TEX15: variants seen among roughly 807,000 people sequenced by gnomAD.
TEX15 encodes testis-expressed protein 15.
TEX15 carries 171 observed loss-of-function variants against 237.3 expected under a neutral mutation model. The ratio of observed to expected loss-of-function variants is 0.72; its 90% confidence interval spans 0.64 to 0.82. TEX15 has a LOEUF of 0.82. TEX15 is among the 40% of genes least tolerant of loss of function. TEX15 has a pLI of 0.00. For missense variants in TEX15, 3,750 were observed against 3,646.5 expected (o/e 1.03, Z -0.73); for synonymous variants, 1,338 against 1,269.8 (o/e 1.05, Z -1.14).
At chr8:30,834,195 C>A (rs779935743) in intron 10 of TEX15, among the ~76,000 whole-genome samples, 1 of 152,196 alleles carries the variant, frequency 6.6e-6, no homozygotes, top group Non-Finnish European at 1.5e-5. Context: ...TTTTTTGAGA[C>A]AGAGTTTAAC....
intron 1 of TEX15, among the ~76,000 whole-genome samples, chr8:30,903,522 TA>T (rs1176664895): frequency 2.0e-5 from 3 of 152,360 alleles, no homozygotes; most frequent in Admixed American, 2.0e-4. Flanking sequence ...CCTTCAGTCC[TA>T]GTCCTTCCTT....
At chr8:30,905,616 C>T (rs1450469295) in intron 1 of TEX15, among the ~76,000 whole-genome samples, 2 of 151,542 alleles carry the variant, frequency 1.3e-5, no homozygotes, top group African/African-American at 4.9e-5. Context: ...ACCACCTGGT[C>T]TGTGGCTCAC....
chr8:30,867,471 T>C lies in TEX15; in HGVS notation c.334A>G (p.Arg112Gly). ...AAGCAGAACTGTTCTTCAAGTTCCC[T>C]GCAATGTCTTCCACTTTCACGCATC... ...SEMRESGRHC[R>G]ELEEQFCFLA... Residue 112 changes from arginine (R) to glycine (G), a missense_variant, in exon 5 of 11, where the codon AGG (arginine) becomes GGG (glycine). Transcript: ENST00000643185. 3.3e-6 allele frequency: 5 copies of C among 1,534,180 alleles called. No homozygotes were observed. The highest frequency in any genetic ancestry group is 4.4e-6 in the Non-Finnish European group (5 of 1,145,510).
At chr8:30,876,166 T>G (rs1759056150) in intron 3 of TEX15, among the ~76,000 whole-genome samples, 1 of 152,200 alleles carries the variant, frequency 6.6e-6, no homozygotes, top group South Asian at 2.1e-4. Context: ...TAGATTCTTC[T>G]GCCAACATCT....
intron 2 of TEX15, among the ~76,000 whole-genome samples, chr8:30,888,878 A>C (rs906520709): frequency 2.0e-5 from 3 of 152,186 alleles, no homozygotes; most frequent in Non-Finnish European, 4.4e-5. Flanking sequence ...AAAAGAGAAG[A>C]AAGCCAGCCC....
intron 3 of TEX15, among the ~76,000 whole-genome samples, chr8:30,881,293 T>C (rs1050897185): frequency 6.6e-5 from 10 of 152,198 alleles, no homozygotes; most frequent in South Asian, 4.1e-4. Context: ...CTGGAAGAGA[T>C]TGTATAGTTT....
chr8:30,852,924 A>G (rs1216801944), intron 7 of TEX15, among the ~76,000 whole-genome samples: 2 of 152,318 alleles, frequency 1.3e-5, no homozygotes, highest in Admixed American at 6.5e-5. Context: ...AATTGAATTT[A>G]TAATTTTATT....
intron 8 of TEX15, among the ~76,000 whole-genome samples, chr8:30,841,578 C>T (rs936055561): frequency 6.6e-6 from 1 of 152,122 alleles, no homozygotes; most frequent in African/African-American, 2.4e-5. Context: ...CCTATTTCTC[C>T]ATTGGGATGA....
At chr8:30,892,486 A>G (rs759821886) in intron 2 of TEX15, among the ~76,000 whole-genome samples, 22 of 152,330 alleles carry the variant, frequency 1.4e-4, no homozygotes, top group Middle Eastern at 3.4e-3. Flanking sequence ...CCTATCTAAC[A>G]ATAAATCTTG....
intron 4 of TEX15, among the ~76,000 whole-genome samples, chr8:30,868,087 A>T (rs1467471223): frequency 6.6e-6 from 1 of 152,054 alleles, no homozygotes; most frequent in Non-Finnish European, 1.5e-5. Context: ...AAATATATCA[A>T]TTATTAGGGA....
chr8:30,909,059 T>C (rs905694812), intron 1 of TEX15, among the ~76,000 whole-genome samples: 10 of 151,348 alleles, frequency 6.6e-5, no homozygotes, highest in African/African-American at 2.4e-4. Context: ...AATGAAGTTT[T>C]ATCTTTATTG....
Position 30,849,065 on chromosome 8 carries a change from T to C in TEX15, c.1102A>G (p.Ile368Val). ...SGQTEHSLAE[I>V]RDTSQVLAHD... Reference sequence around the variant, plus strand: ...GCAAGTACTTGAGAAGTGTCTCTAATTTCTGCTAAACTGTGCTCTGTCTGT... The same window carrying C: ...GCAAGTACTTGAGAAGTGTCTCTAACTTCTGCTAAACTGTGCTCTGTCTGT... Residue 368 changes from isoleucine (I) to valine (V), a missense_variant, in exon 8 of 11, where the codon ATT becomes GTT. Physicochemically the swap from Ile to Val is conservative, Grantham distance 29. Transcript: ENST00000643185. The C allele has an allele frequency of 1.2e-6, 2 of 1,613,988 alleles. No homozygotes were observed. The highest frequency in any genetic ancestry group is 1.7e-4 in the Middle Eastern group (1 of 6,060).
chr8:30,906,522 G>A (rs547606749), intron 1 of TEX15, among the ~76,000 whole-genome samples: 3 of 151,486 alleles, frequency 2.0e-5, no homozygotes, highest in South Asian at 2.1e-4. Context: ...CCCGGGAGGC[G>A]GAGCTTGTGG....
intron 2 of TEX15, among the ~76,000 whole-genome samples, chr8:30,889,557 T>A (rs1808738450): frequency 6.6e-6 from 1 of 152,210 alleles, no homozygotes; most frequent in Non-Finnish European, 1.5e-5. Context: ...TCACTTCTGT[T>A]CCTCAGTGCT....
At chr8:30,868,318 T>A (rs1355116315) in intron 4 of TEX15, among the ~76,000 whole-genome samples, 2 of 152,042 alleles carry the variant, frequency 1.3e-5, no homozygotes, top group Non-Finnish European at 2.9e-5. Context: ...ATATTCTATA[T>A]GGCTTGCTCA....
At chr8:30,868,200 A>G (rs323369) in intron 4 of TEX15, among the ~76,000 whole-genome samples, 70,148 of 151,882 alleles carry the variant, frequency 0.46, 21,221 homozygotes, top group African/African-American at 0.86. Context: ...ATCAACCTCA[A>G]AAAGATTATA....
In TEX15 at chr8:30,845,366, T is replaced by C. The variant is rs1343029561; in HGVS notation, c.4801A>G (p.Thr1601Ala). 1.9e-6 allele frequency: 3 copies of C among 1,611,726 alleles called. No homozygotes were observed. Among genetic ancestry groups the C allele is most frequent in the African/African-American group, 1.3e-5 (1 of 75,028 alleles). ...TTAGCGTCACAACTGTTTTCTTTAGTTGCATCTTTAACATTATGATTTGCT... is the reference window on the plus strand; with the variant it reads ...TTAGCGTCACAACTGTTTTCTTTAGCTGCATCTTTAACATTATGATTTGCT... Reference protein sequence around the residue: ...HSANHNVKDATKENSCDANEV... With the variant: ...HSANHNVKDAAKENSCDANEV... Residue 1601 changes from threonine to alanine, a missense_variant, in exon 8 of 11, where the codon ACT (threonine) becomes GCT (alanine). Coordinates refer to ENST00000643185, the MANE Select transcript of TEX15 (RefSeq NM_001350162.2).
At position 30,845,352 on chromosome 8, in the gene TEX15, A is replaced by G; in HGVS notation, c.4815T>C (p.Ser1605=). 6.2e-7 allele frequency: 1 copy of G among 1,612,104 alleles called. No homozygotes were observed. The highest frequency in any genetic ancestry group is 8.5e-7 in the Non-Finnish European group (1 of 1,178,774). ...CATTTATTACTTCATTAGCGTCACAACTGTTTTCTTTAGTTGCATCTTTAA... is the reference window on the plus strand; with the variant it reads ...CATTTATTACTTCATTAGCGTCACAGCTGTTTTCTTTAGTTGCATCTTTAA... ...HNVKDATKEN[S]CDANEVINES... The change falls in exon 8 of 11, where the codon AGT becomes AGC. Residue 1605 remains serine, a synonymous_variant. Coordinates refer to ENST00000643185, the MANE Select transcript of TEX15 (RefSeq NM_001350162.2).
rs974321987 is a variant in TEX15, at chr8:30,832,119, C to T, written c.*1167G>A. The T allele has an allele frequency of 6.6e-6, 1 of 152,154 alleles. No homozygotes were observed. The highest frequency in any genetic ancestry group is 6.5e-5 in the Admixed American group (1 of 15,270). The allele number at this position is 152,154 out of a possible 1,614,324, so 9.4% of individuals were successfully genotyped here. A position where few individuals can be genotyped will look rare whatever the true frequency, so the allele number is the denominator to read the frequency against. On this transcript the variant is annotated 3_prime_UTR_variant, in exon 11 of 11. Coordinates refer to ENST00000643185, the MANE Select transcript of TEX15 (RefSeq NM_001350162.2). Reference sequence around the variant, plus strand: ...TTTAAGTGAGTATAAAGAGGCTTATCCTGGGGATTCTCACTGTCTTTCTAA... The same window carrying T: ...TTTAAGTGAGTATAAAGAGGCTTATTCTGGGGATTCTCACTGTCTTTCTAA...
Sources: allele counts gnomAD v4.1 joint callset (sites outside exome capture counted in the v4.1 genomes callset), GRCh38; gene constraint gnomAD v4.1.1; transcripts MANE v1.5; gene names NCBI Gene and HGNC (gene_info 2026-07-23, HGNC 2026-07-21).